Variants in THSD7A observed in about 807,000 individuals in gnomAD.
The protein encoded by THSD7A is thrombospondin type-1 domain-containing protein 7A.
A neutral mutation model predicts 231.3 loss-of-function variants in THSD7A; 96 were observed. That is an observed-to-expected ratio of 0.41 (90% confidence interval 0.35 to 0.49). The LOEUF is 0.49. Among genes scored for constraint, THSD7A ranks in the 20% least tolerant of loss-of-function variants. THSD7A has a pLI of 0.05. For missense variants in THSD7A, 2,290 were observed against 2,070.2 expected, an observed-to-expected ratio of 1.11 and a Z score of -2.06; for synonymous variants, 940 against 743.3, an observed-to-expected ratio of 1.26 and a Z score of -4.30.
At chr7:11,656,197 G>C (rs1487924841) in intron 1 of THSD7A, among the ~76,000 whole-genome samples, 2 of 151,852 alleles carry the variant, frequency 1.3e-5, no homozygotes, top group African/African-American at 4.8e-5. Context: ...GGTGTTGTGT[G>C]CAATGTTATT....
chr7:11,668,980 C>T (rs1014469249), intron 1 of THSD7A, among the ~76,000 whole-genome samples: 2 of 152,136 alleles, frequency 1.3e-5, no homozygotes, highest in Non-Finnish European at 2.9e-5. Flanking sequence ...GTCGAGTGTG[C>T]TGTTGGCTAT....
In THSD7A at chr7:11,593,303, C is replaced by G; in HGVS notation, c.1222G>C (p.Glu408Gln). The change falls in exon 3 of 28, where the codon GAA becomes CAA. Residue 408 changes from glutamate to glutamine, a missense_variant. Physicochemically the swap from Glu to Gln is conservative, Grantham distance 29 (BLOSUM62 2). Transcript: ENST00000423059. ...CCTTGAGACAAACAGGGTTCTTTTT[C>G]TTCAAATTCTGGACACTCCTTTTCA... ...GSEKECPEFE[E>Q]KEPCLSQGDG... The G allele has an allele frequency of 6.2e-7, 1 of 1,613,956 alleles. No individual in the cohort carries two copies. Among genetic ancestry groups the G allele is most frequent in the Non-Finnish European group, 8.5e-7 (1 of 1,179,864 alleles).
At chr7:11,584,337 G>T (rs1791301834) in intron 4 of THSD7A, among the ~76,000 whole-genome samples, 1 of 151,862 alleles carries the variant, frequency 6.6e-6, no homozygotes, top group Non-Finnish European at 1.5e-5. Context: ...TATATTAGTA[G>T]TTATTAAACA....
At chr7:11,547,449 A>G (rs1207805479) in intron 4 of THSD7A, among the ~76,000 whole-genome samples, 3 of 152,190 alleles carry the variant, frequency 2.0e-5, no homozygotes. Context: ...AAAAGGATGG[A>G]GAAAACTAAC....
chr7:11,730,182 A>T (rs1781681921), intron 1 of THSD7A, among the ~76,000 whole-genome samples: 1 of 151,734 alleles, frequency 6.6e-6, no homozygotes, highest in African/African-American at 2.4e-5. Flanking sequence ...TCAGAACCAG[A>T]ACTTTGAAAT....
intron 9 of THSD7A, among the ~76,000 whole-genome samples, chr7:11,462,571 C>A (rs1042218310): frequency 6.6e-6 from 1 of 152,120 alleles, no homozygotes; most frequent in African/African-American, 2.4e-5. Context: ...AGAATATATT[C>A]AGTGCTATAA....
At chr7:11,522,371 A>T (rs1788302850) in intron 6 of THSD7A, among the ~76,000 whole-genome samples, 1 of 152,154 alleles carries the variant, frequency 6.6e-6, no homozygotes, top group Non-Finnish European at 1.5e-5. Flanking sequence ...ATAACTTAAA[A>T]TGTTCTTTGG....
chr7:11,765,573 C>T (rs1404499226), intron 1 of THSD7A, among the ~76,000 whole-genome samples: 1 of 152,146 alleles, frequency 6.6e-6, no homozygotes, highest in African/African-American at 2.4e-5. Flanking sequence ...AGAGAAAAAA[C>T]TTTGACTATC....
intron 1 of THSD7A, among the ~76,000 whole-genome samples, chr7:11,787,973 T>G (rs1449791446): frequency 6.6e-6 from 1 of 152,114 alleles, no homozygotes; most frequent in Non-Finnish European, 1.5e-5. Flanking sequence ...CAATGCCTGC[T>G]GGAATTCCAA....
chr7:11,697,086 C>T (rs1011264634), intron 1 of THSD7A, among the ~76,000 whole-genome samples: 6 of 151,304 alleles, frequency 4.0e-5, no homozygotes, highest in African/African-American at 1.2e-4. Flanking sequence ...GATGACTTTC[C>T]CTAATGTAAG....
rs1005370326 is a variant in THSD7A at position 11,632,249 on chromosome 7, C to T, written c.1022+3881G>A. On this transcript the variant is annotated intron_variant, in intron 2 of 27. Coordinates refer to ENST00000423059, the MANE Select transcript of THSD7A (RefSeq NM_015204.3). The surrounding 1 kb of genome is among the most constrained non-coding windows in gnomAD (Gnocchi z 4.1). ...TGGTATATTTACTAAATATTCTAGA[C>T]AAGCACAACTACATCCTTTTCTATT... is the stretch of plus-strand genomic sequence containing the variant. 1.1e-4 allele frequency among the ~76,000 whole-genome samples: 16 copies of T among 152,082 alleles called. No homozygotes were observed. The highest frequency in any genetic ancestry group is 3.9e-4 in the African/African-American group (16 of 41,416).
chr7:11,405,534 C>T (rs1783554086), intron 22 of THSD7A, among the ~76,000 whole-genome samples: 1 of 152,124 alleles, frequency 6.6e-6, no homozygotes, highest in African/African-American at 2.4e-5. Flanking sequence ...CCTATCTATA[C>T]CTTGTTCAAG....
intron 2 of THSD7A, among the ~76,000 whole-genome samples, chr7:11,635,530 T>C (rs1278941228): frequency 6.6e-6 from 1 of 152,172 alleles, no homozygotes; most frequent in Admixed American, 6.5e-5. Context: ...TGAAGCTAAT[T>C]AGTTACATGT....
intron 24 of THSD7A, among the ~76,000 whole-genome samples, chr7:11,382,148 T>C (rs1161333490): frequency 1.3e-5 from 2 of 152,170 alleles, no homozygotes; most frequent in Non-Finnish European, 2.9e-5. Flanking sequence ...TGCATTTATA[T>C]TGCCTTCAAG....
intron 1 of THSD7A, among the ~76,000 whole-genome samples, chr7:11,728,116 C>T (rs1781608244): frequency 6.6e-6 from 1 of 151,988 alleles, no homozygotes; most frequent in African/African-American, 2.4e-5. Flanking sequence ...AGGCCTGTTG[C>T]ATCAGAATCT....
In THSD7A at chr7:11,375,454, C is replaced by G; in HGVS notation, c.*340G>C. ...TTTATGGATTAACACTGCAGACGGT[C>G]TTGTATCAGGCATCCTAACTGGCCA... On this transcript the variant is annotated 3_prime_UTR_variant, in exon 28 of 28. Transcript: ENST00000423059. 1.1e-5 allele frequency: 2 copies of G among 188,912 alleles called. No homozygotes were observed. The highest frequency in any genetic ancestry group is 2.2e-5 in the Non-Finnish European group (2 of 91,840). The allele number at this position is 188,912 out of a possible 1,614,324, so 11.7% of individuals were successfully genotyped here.
intron 4 of THSD7A, among the ~76,000 whole-genome samples, chr7:11,567,292 T>A (rs544217354): frequency 6.6e-6 from 1 of 151,900 alleles, no homozygotes; most frequent in Non-Finnish European, 1.5e-5. Context: ...AAAAGACAAG[T>A]GCAGAGTAAA....
chr7:11,543,883 T>C (rs1789258572), intron 4 of THSD7A, among the ~76,000 whole-genome samples: 1 of 152,168 alleles, frequency 6.6e-6, no homozygotes, highest in South Asian at 2.1e-4. Flanking sequence ...TATATATCCA[T>C]AGTTCTGGAC....
At chr7:11,658,732 C>G (rs372245639) in intron 1 of THSD7A, among the ~76,000 whole-genome samples, 1 of 151,594 alleles carries the variant, frequency 6.6e-6, no homozygotes, top group Admixed American at 6.6e-5. Flanking sequence ...TTACGTTATT[C>G]GATTTCTTGC....
Sources: gnomAD v4.1 joint callset for allele counts (sites outside exome capture counted in the v4.1 genomes callset) on GRCh38, gnomAD v4.1.1 for gene constraint, Gnocchi (gnomAD v3.1) non-coding constraint, MANE v1.5 for transcripts, NCBI Gene and HGNC (gene_info 2026-07-23, HGNC 2026-07-21) for gene names.